Variants in ASIC2 observed in about 807,000 individuals in gnomAD.
ASIC2 encodes the protein acid-sensing ion channel 2.
A neutral mutation model predicts 57.3 loss-of-function variants in ASIC2; 25 were observed. That is an observed-to-expected ratio of 0.44 (90% CI 0.32 to 0.61). The LOEUF is 0.61. Ranked by LOEUF, ASIC2 falls within the 20% of genes least tolerant of loss-of-function variation. The probability of loss-of-function intolerance (pLI) is 0.06; values close to 1 mark genes in which losing one functional copy is unlikely to be tolerated. For missense variants in ASIC2, 641 were observed against 738.1 expected (o/e 0.87, Z 1.52); for synonymous variants, 319 against 307.5 (o/e 1.04, Z -0.39).
At chr17:33,637,420 G>A (rs1906408025) in intron 1 of ASIC2, among the ~76,000 whole-genome samples, 1 of 152,132 alleles carries the variant, frequency 6.6e-6, no homozygotes, top group South Asian at 2.1e-4. Flanking sequence ...TGGAGAGGGA[G>A]GAAAGAGGAA....
At chr17:33,196,252 A>T (rs749189509) in intron 1 of ASIC2, among the ~76,000 whole-genome samples, 1 of 152,220 alleles carries the variant, frequency 6.6e-6, no homozygotes. Flanking sequence ...GAACTGACAT[A>T]CAAATCCTGA....
intron 1 of ASIC2, among the ~76,000 whole-genome samples, chr17:33,747,701 G>A (rs1419421950): frequency 1.3e-5 from 2 of 152,178 alleles, no homozygotes; most frequent in African/African-American, 2.4e-5. Flanking sequence ...CACAGAATGT[G>A]AGATTTGCAA....
intron 1 of ASIC2, among the ~76,000 whole-genome samples, chr17:33,912,999 A>G (rs1244889778): frequency 1.3e-5 from 2 of 151,922 alleles, no homozygotes; most frequent in Non-Finnish European, 2.9e-5. Flanking sequence ...AATAATAATA[A>G]ATTAAATAAA....
intron 1 of ASIC2, among the ~76,000 whole-genome samples, chr17:33,807,366 G>A (rs1233060955): frequency 6.6e-6 from 1 of 152,194 alleles, no homozygotes; most frequent in Admixed American, 6.5e-5. Flanking sequence ...GACAATATTT[G>A]TTGGGTACCT....
intron 1 of ASIC2, among the ~76,000 whole-genome samples, chr17:33,953,808 C>T (rs1169403904): frequency 6.6e-6 from 1 of 152,078 alleles, no homozygotes; most frequent in East Asian, 1.9e-4. Context: ...GGATTGCAAA[C>T]TAGACCATGT....
At chr17:33,878,354 C>A (rs894141914) in intron 1 of ASIC2, among the ~76,000 whole-genome samples, 1 of 152,046 alleles carries the variant, frequency 6.6e-6, no homozygotes, top group Non-Finnish European at 1.5e-5. Flanking sequence ...AAGTTAAAAA[C>A]CTTGAAAAAA....
At chr17:33,508,051 T>C (rs1460922308) in intron 1 of ASIC2, among the ~76,000 whole-genome samples, 2 of 152,080 alleles carry the variant, frequency 1.3e-5, no homozygotes, top group East Asian at 3.9e-4. Context: ...ATTCCCCTCC[T>C]CTACCTTTTG....
intron 1 of ASIC2, among the ~76,000 whole-genome samples, chr17:33,648,122 A>G (rs1906803253): frequency 6.6e-6 from 1 of 152,230 alleles, no homozygotes; most frequent in African/African-American, 2.4e-5. Flanking sequence ...AGGTGAATGT[A>G]GTATTATCAA....
chr17:34,148,653 T>TGGGCCTCATCATGGAGCA (rs1904386291), intron 1 of ASIC2, among the ~76,000 whole-genome samples: 2 of 152,198 alleles, frequency 1.3e-5, no homozygotes, highest in Admixed American at 1.3e-4. Context: ...GACTCAAACT[T>TGGGCCTCATCATGGAGCA]GGGCCTCATC....
At chr17:33,107,686 A>G (rs2092240583) in intron 2 of ASIC2, among the ~76,000 whole-genome samples, 1 of 152,248 alleles carries the variant, frequency 6.6e-6, no homozygotes, top group African/African-American at 2.4e-5. Flanking sequence ...CCATGAGCCC[A>G]TAGGGCTGGG....
At chr17:33,316,118 C>T (rs981221540) in intron 1 of ASIC2, among the ~76,000 whole-genome samples, 7 of 152,186 alleles carry the variant, frequency 4.6e-5, no homozygotes, top group African/African-American at 1.7e-4. Flanking sequence ...AATGTAACCT[C>T]ATGTGGTTTT....
intron 2 of ASIC2, among the ~76,000 whole-genome samples, chr17:33,110,466 A>C (rs1335614004): frequency 6.6e-6 from 1 of 152,200 alleles, no homozygotes; most frequent in African/African-American, 2.4e-5. Flanking sequence ...GTCTCCTCAG[A>C]GAGTGGCTGA....
At chr17:33,342,939 A>T (rs1336273023) in intron 1 of ASIC2, among the ~76,000 whole-genome samples, 1 of 152,090 alleles carries the variant, frequency 6.6e-6, no homozygotes, top group East Asian at 1.9e-4. Flanking sequence ...CTCCAATGCT[A>T]CTCAGGTGGA....
chr17:33,664,311 A>T (rs1475050666), intron 1 of ASIC2, among the ~76,000 whole-genome samples: 1 of 152,222 alleles, frequency 6.6e-6, no homozygotes, highest in Non-Finnish European at 1.5e-5. Flanking sequence ...AGCCAGTCAA[A>T]GTGAAAGCCT....
chr17:33,753,426 T>C (rs941118021), intron 1 of ASIC2, among the ~76,000 whole-genome samples: 1 of 152,188 alleles, frequency 6.6e-6, no homozygotes, highest in African/African-American at 2.4e-5. Flanking sequence ...CCCATAGAAT[T>C]GTATAACACA....
At position 33,506,381 on chromosome 17, in the gene ASIC2, C is replaced by A. The variant is rs535070701; in HGVS notation, c.556-394314G>T. On this transcript the variant is annotated intron_variant, in intron 1 of 9. Transcript: ENST00000359872. Reference sequence around the variant, plus strand: ...CGAGCCAAGATCTGGCCACTGCACTCCAGCCTGGGTGACAAAGCAGGACTC... The same window carrying A: ...CGAGCCAAGATCTGGCCACTGCACTACAGCCTGGGTGACAAAGCAGGACTC... Among the ~76,000 whole-genome samples the A allele has an allele frequency of 1.3e-4, 20 of 151,340 alleles. No individual in the cohort carries two copies. The South Asian group carries it at 4.2e-3, about 32-fold the overall frequency.
chr17:33,371,403 A>G (rs1286106034), intron 1 of ASIC2, among the ~76,000 whole-genome samples: 1 of 152,262 alleles, frequency 6.6e-6, no homozygotes, highest in Non-Finnish European at 1.5e-5. Context: ...TGAAAGCAAG[A>G]GGCTCACAGG....
intron 3 of ASIC2, among the ~76,000 whole-genome samples, chr17:33,085,695 A>G (rs11650404): frequency 0.06 from 9,186 of 152,292 alleles, 371 homozygotes; most frequent in Middle Eastern, 0.12. Context: ...AAGAGATGGA[A>G]AGCCCACAGA....
chr17:33,729,547 G>A (rs980061172), intron 1 of ASIC2, among the ~76,000 whole-genome samples: 15 of 152,188 alleles, frequency 9.9e-5, no homozygotes, highest in Non-Finnish European at 2.1e-4. Context: ...TAATGTAAAA[G>A]GAAGTCCAAG....
Sources: allele counts gnomAD v4.1 joint callset (sites outside exome capture counted in the v4.1 genomes callset), GRCh38; gene constraint gnomAD v4.1.1; transcripts MANE v1.5; gene names NCBI Gene and HGNC (gene_info 2026-07-23, HGNC 2026-07-21).